The following USH2A variants were observed in gnomAD, a reference collection of about 807,000 sequenced individuals.
The protein encoded by USH2A is Usher syndrome 2A (autosomal recessive, mild).
In USH2A, 443 loss-of-function variants were observed where a neutral mutation model predicts 538.9. The ratio of observed to expected loss-of-function variants is 0.82; its 90% confidence interval spans 0.76 to 0.89. The LOEUF (loss-of-function observed/expected upper bound fraction) is 0.89. USH2A is among the 40% of genes least tolerant of loss of function. The pLI, the probability that USH2A is intolerant of heterozygous loss-of-function variation, is 0.00. For missense variants in USH2A, 6,633 were observed against 6,324.8 expected, an observed-to-expected ratio of 1.05 and a Z score of -1.65; for synonymous variants, 2,413 against 2,273.5, an observed-to-expected ratio of 1.06 and a Z score of -1.75.
chr1:215,663,762 T>C (rs971042800), intron 64 of USH2A, among the ~76,000 whole-genome samples: 3 of 152,310 alleles, frequency 2.0e-5, no homozygotes, highest in Non-Finnish European at 4.4e-5. Context: ...TATTGTTATA[T>C]GGGCGAAGTG....
At chr1:215,866,569 G>A (rs749162570) in intron 44 of USH2A, among the ~76,000 whole-genome samples, 1 of 152,110 alleles carries the variant, frequency 6.6e-6, no homozygotes, top group African/African-American at 2.4e-5. Flanking sequence ...GCTAATGAGC[G>A]ACGAGTTACA....
chr1:216,031,358 G>C (rs948787837), intron 32 of USH2A, among the ~76,000 whole-genome samples: 2 of 152,092 alleles, frequency 1.3e-5, no homozygotes, highest in African/African-American at 4.8e-5. Context: ...TTAGCAGATT[G>C]TGTCATCAGG....
At chr1:216,124,125 C>T (rs770592054) in intron 21 of USH2A, among the ~76,000 whole-genome samples, 39 of 152,058 alleles carry the variant, frequency 2.6e-4, no homozygotes, top group Non-Finnish European at 2.8e-4. Flanking sequence ...AACCTTTTGT[C>T]GCTTTAGCAG....
chr1:216,186,109 AC>A (rs943240602), intron 20 of USH2A, among the ~76,000 whole-genome samples: 29 of 152,006 alleles, frequency 1.9e-4, no homozygotes, highest in East Asian at 5.8e-4. Flanking sequence ...CCAGAAAAAA[AC>A]AAACACTAAA....
rs1427370363 is a variant in USH2A at position 215,675,242 on chromosome 1, A to G, written c.12669T>C (p.Phe4223=). ...GTTGCAAACCTGTGTCATTATACAT[A>G]AATGTATTCCTTTCAGTGTTATATT... The part of the protein sequence containing the change: ...FTEYNTERNT[F]MYNDTGLQPW... Residue 4223 remains phenylalanine, a synonymous_variant, in exon 63 of 72, where the codon TTT becomes TTC. Transcript: ENST00000307340. The G allele has an allele frequency of 5.0e-6, 8 of 1,614,050 alleles. No individual in the cohort carries two copies. In the East Asian group the frequency reaches 1.8e-4, roughly 36 times the overall value.
intron 41 of USH2A, among the ~76,000 whole-genome samples, chr1:215,879,382 T>C (rs565612250): frequency 6.6e-6 from 1 of 152,316 alleles, no homozygotes; most frequent in African/African-American, 2.4e-5. Context: ...ACTGTGGGTG[T>C]TCTGAAGGAC....
At chr1:215,987,662 G>A (rs1667902740) in intron 35 of USH2A, among the ~76,000 whole-genome samples, 1 of 152,120 alleles carries the variant, frequency 6.6e-6, no homozygotes, top group African/African-American at 2.4e-5. Context: ...GCAGACTGAG[G>A]CAATTAATAG....
intron 44 of USH2A, among the ~76,000 whole-genome samples, chr1:215,862,080 C>T (rs947750624): frequency 1.1e-4 from 17 of 152,014 alleles, no homozygotes; most frequent in South Asian, 2.1e-4. Context: ...CCTCATTATC[C>T]GCCCACCTCG....
intron 3 of USH2A, among the ~76,000 whole-genome samples, chr1:216,365,660 C>T (rs962533502): frequency 6.7e-6 from 1 of 149,922 alleles, no homozygotes; most frequent in East Asian, 2.0e-4. Flanking sequence ...CTAATAACTG[C>T]ACATATTAGG....
intron 38 of USH2A, among the ~76,000 whole-genome samples, chr1:215,933,700 C>T (rs1482857764): frequency 2.0e-5 from 3 of 151,892 alleles, no homozygotes; most frequent in Non-Finnish European, 4.4e-5. Flanking sequence ...TTAACCTGCC[C>T]TTCGGATTGC....
Position 216,083,244 on chromosome 1 carries a change from A to C in USH2A, c.5298+212T>G, listed in dbSNP as rs190419872. The C allele has an allele frequency of 8.0e-3, 3,703 of 464,652 alleles. 41 individuals carry two copies. The highest frequency in any genetic ancestry group is 0.036 in the South Asian group (1,178 of 32,306). The allele number at this position is 464,652 out of a possible 1,614,324, so 28.8% of individuals were successfully genotyped here. A position where few individuals can be genotyped will look rare whatever the true frequency, so the allele number is the denominator to read the frequency against. ...ATCTAGTCTGTTTTCTTAAAATTATAATTGTTACAATTGTCATCTTAAAAA... is the reference window on the plus strand; with the variant it reads ...ATCTAGTCTGTTTTCTTAAAATTATCATTGTTACAATTGTCATCTTAAAAA... On this transcript the variant is annotated intron_variant, in intron 26 of 71. Transcript: ENST00000307340.
intron 30 of USH2A, among the ~76,000 whole-genome samples, chr1:216,067,589 G>C (rs2031422725): frequency 6.6e-6 from 1 of 151,956 alleles, no homozygotes; most frequent in African/African-American, 2.4e-5. Flanking sequence ...CAGTAGATTA[G>C]AGGAGAAATG....
rs60343349 is a variant in USH2A at position 216,159,537 on chromosome 1, T to TACACACACACACAC, written c.4627+15701_4627+15714dup. ...GTCATGATATAACATTTTATTTATG[T>TACACACACACACAC]ACACACACACACACACACACACACA... On this transcript the variant is annotated intron_variant, in intron 21 of 71. Coordinates refer to ENST00000307340, the MANE Select transcript of USH2A (RefSeq NM_206933.4). Among the ~76,000 whole-genome samples, 244 of 146,932 alleles carry TACACACACACACAC rather than the reference T, an allele frequency of 1.7e-3. 2 individuals are homozygous for TACACACACACACAC. The highest frequency in any genetic ancestry group is 5.8e-3 in the African/African-American group (229 of 39,662).
chr1:216,250,821 C>T, intron 12 of USH2A, 82 bp downstream of exon 12: 1 of 1,485,432 alleles, frequency 6.7e-7, no homozygotes, highest in Non-Finnish European at 9.2e-7. Context: ...ATTTGCTTTA[C>T]TCTTCAGTTA....
chr1:215,745,030 T>C (rs1281091082), intron 58 of USH2A, among the ~76,000 whole-genome samples: 5 of 152,176 alleles, frequency 3.3e-5, no homozygotes, highest in Non-Finnish European at 5.9e-5. Flanking sequence ...GAGGCCACGA[T>C]CTCAACAATT....
chr1:216,154,074 G>C (rs1036314019), intron 21 of USH2A, among the ~76,000 whole-genome samples: 1 of 152,096 alleles, frequency 6.6e-6, no homozygotes, highest in Non-Finnish European at 1.5e-5. Flanking sequence ...TAGCTTCAAG[G>C]CAATAACTGG....
chr1:215,675,783 T>C (rs1234061154), intron 62 of USH2A, among the ~76,000 whole-genome samples, 167 bp from the exon 63 acceptor site: 1 of 152,202 alleles, frequency 6.6e-6, no homozygotes, highest in African/African-American at 2.4e-5. Flanking sequence ...TCAGTTAACA[T>C]AAGGCCCACA....
chr1:216,229,250 A>G (rs2035627494), intron 14 of USH2A, among the ~76,000 whole-genome samples: 1 of 150,588 alleles, frequency 6.6e-6, no homozygotes, highest in South Asian at 2.1e-4. Flanking sequence ...CTTTAGCTCT[A>G]TTTTCTAGAC....
chr1:216,140,627 C>T (rs2033584301), intron 21 of USH2A, among the ~76,000 whole-genome samples: 1 of 152,106 alleles, frequency 6.6e-6, no homozygotes, highest in South Asian at 2.1e-4. Flanking sequence ...AACATAAAAC[C>T]TTGCTAAGGC....
Sources: gnomAD v4.1 joint callset for allele counts (sites outside exome capture counted in the v4.1 genomes callset) on GRCh38, gnomAD v4.1.1 for gene constraint, MANE v1.5 for transcripts, NCBI Gene and HGNC (gene_info 2026-07-23, HGNC 2026-07-21) for gene names.